Variants in MOB1B observed in about 807,000 individuals in gnomAD.
MOB1B encodes MOB kinase activator 1B.
MOB1B carries 19 observed loss-of-function variants against 24.4 expected under a neutral mutation model. The ratio of observed to expected loss-of-function variants is 0.78; its 90% CI spans 0.54 to 1.14. The LOEUF is 1.14. MOB1B is among the 50% of genes most tolerant of loss of function. MOB1B has a pLI of 0.00. For synonymous variants in MOB1B, 76 were observed against 82.1 expected, an observed-to-expected ratio of 0.93 and a Z score of 0.40; for missense variants, 243 against 259.6, an observed-to-expected ratio of 0.94 and a Z score of 0.44.
At chr4:70,913,489 C>T (rs1414215764) in intron 1 of MOB1B, among the ~76,000 whole-genome samples, 1 of 151,794 alleles carries the variant, frequency 6.6e-6, no homozygotes, top group Non-Finnish European at 1.5e-5. Flanking sequence ...TAGAGACAGC[C>T]CACATTGCCA....
chr4:70,937,369 G>T (rs1737127433), intron 1 of MOB1B, among the ~76,000 whole-genome samples: 1 of 151,540 alleles, frequency 6.6e-6, no homozygotes. Flanking sequence ...CACTGTTGTG[G>T]GTTCTCTTTT....
chr4:70,922,886 A>G (rs746643148), intron 1 of MOB1B, among the ~76,000 whole-genome samples: 3 of 152,206 alleles, frequency 2.0e-5, no homozygotes, highest in Admixed American at 6.5e-5. Flanking sequence ...CGAAGATCCA[A>G]TTGCTTGGAA....
intron 1 of MOB1B, among the ~76,000 whole-genome samples, chr4:70,955,574 G>A (rs536091791): frequency 7.0e-4 from 104 of 148,318 alleles, no homozygotes; most frequent in African/African-American, 2.6e-3. Context: ...GGGTTCAAGC[G>A]ATTCTCCTGC....
At chr4:70,904,311 A>G (rs1446312163) in intron 1 of MOB1B, among the ~76,000 whole-genome samples, 1 of 151,856 alleles carries the variant, frequency 6.6e-6, no homozygotes, top group Non-Finnish European at 1.5e-5. Context: ...TCTAATCACC[A>G]TATTCAGGTA....
At chr4:70,937,250 G>C (rs1198270792) in intron 1 of MOB1B, among the ~76,000 whole-genome samples, 2 of 151,476 alleles carry the variant, frequency 1.3e-5, no homozygotes, top group Admixed American at 6.6e-5. Context: ...TTTGATTTCT[G>C]ATCTTTTATA....
chr4:70,911,238 A>G (rs1160986665), intron 1 of MOB1B, among the ~76,000 whole-genome samples: 1 of 152,030 alleles, frequency 6.6e-6, no homozygotes, highest in Non-Finnish European at 1.5e-5. Context: ...ATGGCTGATG[A>G]CCAAGTATTA....
chr4:70,942,564 A>G (rs765176001), intron 1 of MOB1B, among the ~76,000 whole-genome samples: 1 of 152,214 alleles, frequency 6.6e-6, no homozygotes, highest in Non-Finnish European at 1.5e-5. Flanking sequence ...TAGAAAAAGA[A>G]TAAACCTAAA....
At position 70,982,705 on chromosome 4, in the gene MOB1B, A is replaced by G. The variant is rs1165846224; in HGVS notation, c.*648A>G. 1.3e-5 allele frequency: 2 copies of G among 152,612 alleles called. No homozygotes were observed. Among genetic ancestry groups the G allele is most frequent in the East Asian group, 3.8e-4 (2 of 5,198 alleles). 9.5% of individuals were successfully genotyped at this position (152,612 alleles called of 1,614,324 possible). A position where few individuals can be genotyped will look rare whatever the true frequency, so the allele number is the denominator to read the frequency against. On this transcript the variant is annotated 3_prime_UTR_variant, in exon 6 of 6. Transcript: ENST00000309395. ...AATATATTACGTTCAACAATGCTTA[A>G]AGCTCTACAAGCAGGTCTTTTCCCA...
rs28629858 is a variant in MOB1B at position 70,943,060 on chromosome 4, A to G, written c.15-15814A>G. Among the ~76,000 whole-genome samples, 1,130 of 152,338 alleles carry G rather than the reference A, an allele frequency of 7.4e-3. 18 individuals are homozygous for G. Among genetic ancestry groups the G allele is most frequent in the African/African-American group, 0.024 (992 of 41,576 alleles). ...GCTCAGAACTTAAGTGTATAGTTAA[A>G]AGAGTGTATGCTTTTTGTAAACCAC... is the stretch of plus-strand genomic sequence containing the variant. On this transcript the variant is annotated intron_variant, in intron 1 of 5. Coordinates refer to ENST00000309395, the MANE Select transcript of MOB1B (RefSeq NM_173468.4).
intron 1 of MOB1B, among the ~76,000 whole-genome samples, chr4:70,941,029 A>G (rs548582380): frequency 6.6e-6 from 1 of 152,312 alleles, no homozygotes; most frequent in South Asian, 2.1e-4. Flanking sequence ...TTAGGATTTG[A>G]TTAACCAAAT....
intron 2 of MOB1B, among the ~76,000 whole-genome samples, chr4:70,961,372 A>G (rs1243259465): frequency 6.6e-6 from 1 of 152,178 alleles, no homozygotes; most frequent in African/African-American, 2.4e-5. Context: ...ACGGAGTGAG[A>G]TGGTGTGAGA....
chr4:70,969,022 C>G (rs998866058), intron 2 of MOB1B, among the ~76,000 whole-genome samples: 1 of 152,176 alleles, frequency 6.6e-6, no homozygotes, highest in Non-Finnish European at 1.5e-5. Context: ...TGTCATAAAT[C>G]AAATGTTTCA....
chr4:70,966,629 C>G (rs570036930), intron 2 of MOB1B, among the ~76,000 whole-genome samples: 40 of 152,164 alleles, frequency 2.6e-4, no homozygotes, highest in African/African-American at 9.6e-4. Context: ...CTGCGTCAGC[C>G]TCCCAAAGTG....
At chr4:70,952,377 C>A (rs1737843587) in intron 1 of MOB1B, among the ~76,000 whole-genome samples, 1 of 152,018 alleles carries the variant, frequency 6.6e-6, no homozygotes, top group Non-Finnish European at 1.5e-5. Context: ...ACAAAACTTT[C>A]TAATGCCTGT....
intron 1 of MOB1B, among the ~76,000 whole-genome samples, chr4:70,944,977 G>A (rs75473930): frequency 0.06 from 9,158 of 152,192 alleles, 360 homozygotes; most frequent in East Asian, 0.1. Context: ...GGTTTTATAT[G>A]AATTGCAGTG....
intron 1 of MOB1B, among the ~76,000 whole-genome samples, chr4:70,935,605 G>T (rs961263471): frequency 6.6e-6 from 1 of 151,956 alleles, no homozygotes; most frequent in African/African-American, 2.4e-5. Flanking sequence ...GAATGTGTGT[G>T]TGTGTATTTT....
intron 2 of MOB1B, among the ~76,000 whole-genome samples, chr4:70,960,031 G>A (rs1192654584): frequency 1.3e-5 from 2 of 151,886 alleles, no homozygotes; most frequent in Non-Finnish European, 2.9e-5. Flanking sequence ...TTATAGGCAC[G>A]CACCACCATG....
At chr4:70,902,619 G>A (rs1163450831) in intron 1 of MOB1B, 69 bp downstream of exon 1, 8 of 1,199,408 alleles carry the variant, frequency 6.7e-6, no homozygotes, top group Non-Finnish European at 8.9e-6. Context: ...GCCGCCCGCC[G>A]CCCGTCGCCC....
intron 3 of MOB1B, among the ~76,000 whole-genome samples, chr4:70,974,348 C>T (rs1406127975): frequency 2.0e-5 from 3 of 152,174 alleles, no homozygotes; most frequent in Non-Finnish European, 4.4e-5. Context: ...AAGTGATCCA[C>T]GTGCCTCGGC....
Sources: gnomAD v4.1 joint callset for allele counts (sites outside exome capture counted in the v4.1 genomes callset) on GRCh38, gnomAD v4.1.1 for gene constraint, MANE v1.5 for transcripts, NCBI Gene and HGNC (gene_info 2026-07-23, HGNC 2026-07-21) for gene names.